The following KCTD7 variants were observed in gnomAD, a reference collection of about 807,000 sequenced individuals.
The protein encoded by KCTD7 is potassium channel tetramerization domain containing 7.
A neutral mutation model predicts 27.0 loss-of-function variants in KCTD7; 15 were observed. That is an observed-to-expected ratio of 0.56 (90% CI 0.37 to 0.86). The LOEUF (loss-of-function observed/expected upper bound fraction) is 0.86. Among genes scored for constraint, KCTD7 ranks in the 40% least tolerant of loss-of-function variants. KCTD7 has a pLI of 0.00. For missense variants in KCTD7, 299 were observed against 398.9 expected (o/e 0.75, Z 2.13); for synonymous variants, 159 against 162.7 (o/e 0.98, Z 0.17).
intron 1 of KCTD7, among the ~76,000 whole-genome samples, chr7:66,632,006 G>A (rs568030791): frequency 6.6e-6 from 1 of 152,178 alleles, no homozygotes; most frequent in African/African-American, 2.4e-5. Context: ...ATCGTGCTAG[G>A]TGCTATTATA....
intron 2 of KCTD7, among the ~76,000 whole-genome samples, chr7:66,637,378 G>T (rs1786611954): frequency 1.3e-5 from 2 of 152,116 alleles, no homozygotes; most frequent in Admixed American, 6.6e-5. Context: ...GAGCCACCGT[G>T]CCTGGCCTAA....
In KCTD7 at chr7:66,638,848, C is replaced by A; in HGVS notation, c.494-8C>A. Reference sequence around the variant, plus strand: ...CCCTAGTGATAGGTGTTGTGTTCATCCTTATAGACCACTTGGAGCGGATTG... The same window carrying A: ...CCCTAGTGATAGGTGTTGTGTTCATACTTATAGACCACTTGGAGCGGATTG... On this transcript the variant is annotated splice_region_variant and splice_polypyrimidine_tract_variant and intron_variant, in intron 3 of 3. Transcript: ENST00000639828. 1.2e-6 allele frequency: 2 copies of A among 1,613,942 alleles called. No individual in the cohort carries two copies. The highest frequency in any genetic ancestry group is 1.1e-5 in the South Asian group (1 of 91,070).
In KCTD7 at chr7:66,629,068, G is replaced by T. The variant is rs1416709097; in HGVS notation, c.4G>T (p.Val2Leu). Residue 2 changes from valine (V) to leucine (L), a missense_variant, in exon 1 of 4, where the codon GTG becomes TTG. By Grantham distance (32) the Val-to-Leu change is conservative. Coordinates refer to ENST00000639828, the MANE Select transcript of KCTD7 (RefSeq NM_153033.5). M[V>L]VVTGREPDSR... ...CCCACTGCCCAGAGCCAGAGGGATG[G>T]TGGTAGTCACGGGGCGGGAGCCAGA... is the stretch of plus-strand genomic sequence containing the variant. 2.0e-6 allele frequency: 3 copies of T among 1,522,498 alleles called. No individual in the cohort carries two copies. 94.3% of individuals were successfully genotyped at this position (1,522,498 alleles called of 1,614,324 possible).
Position 66,638,727 on chromosome 7 carries a change from G to A in KCTD7, c.494-129G>A, listed in dbSNP as rs576812041. ...TTTGTGCCCTTCATTGGCCCCCTGA[G>A]TCCCTTCCCCGGGAAATCTGTCTTT... On this transcript the variant is annotated intron_variant, in intron 3 of 3. Coordinates refer to ENST00000639828, the MANE Select transcript of KCTD7 (RefSeq NM_153033.5). 24 of 1,196,678 alleles carry A rather than the reference G, an allele frequency of 2.0e-5. No individual in the cohort carries two copies. The South Asian group carries it at 3.0e-4, about 15-fold the overall frequency. The allele number at this position is 1,196,678 out of a possible 1,614,324, so 74.1% of individuals were successfully genotyped here.
Position 66,642,200 on chromosome 7 carries a change from G to A in KCTD7, c.*2968G>A, listed in dbSNP as rs774630754. The A allele has an allele frequency of 6.1e-6, 6 of 985,326 alleles. No individual in the cohort carries two copies. The highest frequency in any genetic ancestry group is 7.2e-6 in the Non-Finnish European group (6 of 829,950). The allele number at this position is 985,326 out of a possible 1,614,324, so 61.0% of individuals were successfully genotyped here. The stretch of plus-strand genomic sequence containing the variant: ...CCACACTGAAATGCATCCCACTCCA[G>A]GAGAGGAATTCTTAGCGTAACACTC... On this transcript the variant is annotated 3_prime_UTR_variant, in exon 4 of 4. Coordinates refer to ENST00000639828, the MANE Select transcript of KCTD7 (RefSeq NM_153033.5).
Position 66,640,832 on chromosome 7 carries a change from A to AAAAT in KCTD7, c.*1621_*1624dup, listed in dbSNP as rs910395942. 301 of 976,098 alleles carry AAAAT rather than the reference A, an allele frequency of 3.1e-4. 2 individuals are homozygous for AAAAT. Among genetic ancestry groups the AAAAT allele is most frequent in the Admixed American group, 9.2e-4 (15 of 16,380 alleles). 60.5% of individuals were successfully genotyped at this position (976,098 alleles called of 1,614,324 possible). A position where few individuals can be genotyped will look rare whatever the true frequency, so the allele number is the denominator to read the frequency against. ...CTCCAGCCTGGGCAACACCATCGTA[A>AAAAT]AAATAAATAAATAAATAAATAAATT... On this transcript the variant is annotated 3_prime_UTR_variant, in exon 4 of 4. Transcript: ENST00000639828.
rs1014406492 is a variant in KCTD7, at chr7:66,640,645, A to G, written c.*1413A>G. ...TAAAGAATTGATGCGAGCCAGGAACATGTCTGTAGTCCCAGCTACTTGGGC... is the reference window on the plus strand; with the variant it reads ...TAAAGAATTGATGCGAGCCAGGAACGTGTCTGTAGTCCCAGCTACTTGGGC... On this transcript the variant is annotated 3_prime_UTR_variant, in exon 4 of 4. Coordinates refer to ENST00000639828, the MANE Select transcript of KCTD7 (RefSeq NM_153033.5). The G allele has an allele frequency of 5.2e-6, 7 of 1,351,104 alleles. No individual in the cohort carries two copies. In the African/African-American group the frequency reaches 1.0e-4, roughly 20 times the overall value. The allele number at this position is 1,351,104 out of a possible 1,614,324, so 83.7% of individuals were successfully genotyped here. A position where few individuals can be genotyped will look rare whatever the true frequency, so the allele number is the denominator to read the frequency against.
At chr7:66,637,312 C>CT (rs1786610444) in intron 2 of KCTD7, among the ~76,000 whole-genome samples, 2 of 152,112 alleles carry the variant, frequency 1.3e-5, no homozygotes, top group African/African-American at 4.8e-5. Context: ...TCTTAAACTC[C>CT]TGAGCTCAGA....
At chr7:66,633,839 T>G (rs1409694957) in intron 2 of KCTD7, among the ~76,000 whole-genome samples, 4 of 151,670 alleles carry the variant, frequency 2.6e-5, no homozygotes, top group African/African-American at 9.7e-5. Context: ...AATACAAAAA[T>G]TAGCTGGGTG....
intron 1 of KCTD7, among the ~76,000 whole-genome samples, chr7:66,632,839 C>T (rs190651270): frequency 1.9e-3 from 283 of 151,674 alleles, no homozygotes; most frequent in Middle Eastern, 0.014. Flanking sequence ...GTCAGGAGAT[C>T]GAGACCATCC....
At chr7:66,633,064 AAAG>A (rs1040464048) in intron 1 of KCTD7, among the ~76,000 whole-genome samples, 4 of 152,020 alleles carry the variant, frequency 2.6e-5, no homozygotes, top group Admixed American at 2.0e-4. Flanking sequence ...CTCAAAAAAA[AAAG>A]AGCTATGAGG....
chr7:66,639,282 G>A lies in KCTD7; in HGVS notation c.*50G>A. 1 of 1,600,976 alleles carries A rather than the reference G, an allele frequency of 6.2e-7. No homozygotes were observed. The highest frequency in any genetic ancestry group is 2.2e-5 in the East Asian group (1 of 44,860). On this transcript the variant is annotated 3_prime_UTR_variant, in exon 4 of 4. Transcript: ENST00000639828. Reference sequence around the variant, plus strand: ...ATCAGGGAGGATGTCCACCTTGCTTGGTGGCTCTGGGAGTAAGATCCCTGA... The same window carrying A: ...ATCAGGGAGGATGTCCACCTTGCTTAGTGGCTCTGGGAGTAAGATCCCTGA...
In KCTD7 at chr7:66,642,696, A is replaced by G. The variant is rs953008144; in HGVS notation, c.*3464A>G. The G allele has an allele frequency of 3.0e-6, 3 of 985,300 alleles. No homozygotes were observed. Among genetic ancestry groups the G allele is most frequent in the Non-Finnish European group, 3.6e-6 (3 of 829,946 alleles). The allele number at this position is 985,300 out of a possible 1,614,324, so 61.0% of individuals were successfully genotyped here. On this transcript the variant is annotated 3_prime_UTR_variant, in exon 4 of 4. Transcript: ENST00000639828. Reference sequence around the variant, plus strand: ...CTTGCGTGAAGGTGGTACCTGTCTCATGATCCTTAAAAGAGAGAGGCTTTT... The same window carrying G: ...CTTGCGTGAAGGTGGTACCTGTCTCGTGATCCTTAAAAGAGAGAGGCTTTT...
chr7:66,633,347 G>A lies in KCTD7; in HGVS notation c.217G>A (p.Glu73Lys), dbSNP rs772773351. ...TTRLSTLRCY[E>K]DTMLAAMFSG... ...ACGCCTGTCCACACTGCGGTGCTAC[G>A]AAGACACCATGTTGGCAGCCATGTT... Residue 73 changes from glutamate (E) to lysine (K), a missense_variant, in exon 2 of 4, where the codon GAA (glutamate) becomes AAA (lysine). Glu to Lys is a moderately conservative substitution (Grantham distance 56). Coordinates refer to ENST00000639828, the MANE Select transcript of KCTD7 (RefSeq NM_153033.5). 35 of 1,613,822 alleles carry A rather than the reference G, an allele frequency of 2.2e-5. No individual in the cohort carries two copies. The highest frequency in any genetic ancestry group is 2.8e-5 in the Non-Finnish European group (33 of 1,179,894).
chr7:66,631,242 A>G lies in KCTD7; in HGVS notation c.145-2033A>G, dbSNP rs570871899. On this transcript the variant is annotated intron_variant, in intron 1 of 3. Transcript: ENST00000639828. ...TCACAAAGGATTTGAAAGCTGGGAAAGGTACTGTGTAGATAAGCAGACTTT... is the reference window on the plus strand; with the variant it reads ...TCACAAAGGATTTGAAAGCTGGGAAGGGTACTGTGTAGATAAGCAGACTTT... Among the ~76,000 whole-genome samples the G allele has an allele frequency of 3.3e-5, 5 of 152,230 alleles. No individual in the cohort carries two copies. In the South Asian group the frequency reaches 8.3e-4, roughly 25 times the overall value.
intron 1 of KCTD7, among the ~76,000 whole-genome samples, chr7:66,631,346 A>G (rs1223212426): frequency 6.6e-6 from 1 of 152,174 alleles, no homozygotes; most frequent in African/African-American, 2.4e-5. Flanking sequence ...AGGCAGGAAG[A>G]TCACTTGAGG....
intron 2 of KCTD7, among the ~76,000 whole-genome samples, chr7:66,634,865 TAGC>T (rs1344131154): frequency 1.3e-5 from 2 of 151,352 alleles, no homozygotes; most frequent in South Asian, 2.1e-4. Context: ...AACAGCAAAA[TAGC>T]AGCCAGGCGT....
chr7:66,642,684 G>A lies in KCTD7; in HGVS notation c.*3452G>A. 1.0e-6 allele frequency: 1 copy of A among 985,386 alleles called. No homozygotes were observed. The allele number at this position is 985,386 out of a possible 1,614,324, so 61.0% of individuals were successfully genotyped here. ...TTTGCTGGGGCTCTTGCGTGAAGGT[G>A]GTACCTGTCTCATGATCCTTAAAAG... On this transcript the variant is annotated 3_prime_UTR_variant, in exon 4 of 4. Transcript: ENST00000639828.
At chr7:66,629,834 G>A (rs572245801) in intron 1 of KCTD7, among the ~76,000 whole-genome samples, 1 of 152,208 alleles carries the variant, frequency 6.6e-6, no homozygotes, top group Admixed American at 6.5e-5. Flanking sequence ...TAAGGGGCAG[G>A]CCAGTTCATA....
Sources: gnomAD v4.1 joint callset for allele counts (sites outside exome capture counted in the v4.1 genomes callset) on GRCh38, gnomAD v4.1.1 for gene constraint, MANE v1.5 for transcripts, NCBI Gene and HGNC (gene_info 2026-07-23, HGNC 2026-07-21) for gene names.